Variants in HECW1 observed in about 807,000 individuals in gnomAD.
The protein encoded by HECW1 is HECT, C2 and WW domain containing E3 ubiquitin protein ligase 1, also known as E3 ubiquitin-protein ligase HECW1.
In HECW1, 61 loss-of-function variants were observed where a neutral mutation model predicts 182.3. The observed-to-expected ratio is 0.33, with a 90% CI of 0.27 to 0.41. The LOEUF is 0.41. Ranked by LOEUF, HECW1 falls within the 10% of genes least tolerant of loss-of-function variation. The pLI, the probability that HECW1 is intolerant of heterozygous loss-of-function variation, is 1.00. For missense variants in HECW1, 1,739 were observed against 2,108.9 expected (o/e 0.82, Z 3.44); for synonymous variants, 859 against 832.6 (o/e 1.03, Z -0.55).
At chr7:43,545,377 G>A (rs1242735527) in intron 26 of HECW1, among the ~76,000 whole-genome samples, 1 of 152,220 alleles carries the variant, frequency 6.6e-6, no homozygotes, top group African/African-American at 2.4e-5. Flanking sequence ...CAATCCTCTA[G>A]TGTAAAGTGT....
At chr7:43,215,377 AG>A (rs1796354157) in intron 2 of HECW1, among the ~76,000 whole-genome samples, 2 of 152,262 alleles carry the variant, frequency 1.3e-5, no homozygotes, top group Admixed American at 6.5e-5. Flanking sequence ...TGACCCAGCC[AG>A]TGCTGGCTAG....
chr7:43,212,633 T>A (rs951939573), intron 2 of HECW1, among the ~76,000 whole-genome samples: 10 of 152,200 alleles, frequency 6.6e-5, no homozygotes, highest in African/African-American at 2.4e-4. Flanking sequence ...TATAGCAAAT[T>A]AAGTAATGAG....
rs927539220 is a variant in HECW1 at position 43,373,605 on chromosome 7, TG to T, written c.555+12626del. On this transcript the variant is annotated intron_variant, in intron 6 of 29. Coordinates refer to ENST00000395891, the MANE Select transcript of HECW1 (RefSeq NM_015052.5). ...GGCTGGTATAGTAGATTTACATGTT[TG>T]TTTTTTTTTAATTTTTAATTGTGGT... Among the ~76,000 whole-genome samples, 8 of 152,332 alleles carry T rather than the reference TG, an allele frequency of 5.3e-5. No homozygotes were observed. In the East Asian group the frequency reaches 5.8e-4, roughly 11 times the overall value.
chr7:43,145,719 C>G (rs1788637833), intron 2 of HECW1, among the ~76,000 whole-genome samples: 1 of 152,208 alleles, frequency 6.6e-6, no homozygotes, highest in African/African-American at 2.4e-5. Context: ...TTCAAACTCT[C>G]TGTTGCCCAA....
intron 3 of HECW1, among the ~76,000 whole-genome samples, chr7:43,310,232 C>A (rs1411307729): frequency 6.6e-6 from 1 of 152,154 alleles, no homozygotes; most frequent in African/African-American, 2.4e-5. Flanking sequence ...GGAGGGCTGT[C>A]AGTTTACTGA....
At chr7:43,455,418 A>C (rs1334349094) in intron 12 of HECW1, among the ~76,000 whole-genome samples, 1 of 152,216 alleles carries the variant, frequency 6.6e-6, no homozygotes, top group African/African-American at 2.4e-5. Flanking sequence ...GGTCATCTAA[A>C]TTCGCACATC....
At chr7:43,317,809 T>TTTTGTGTGTG (rs756876398) in intron 4 of HECW1, among the ~76,000 whole-genome samples, 1 of 142,510 alleles carries the variant, frequency 7.0e-6, no homozygotes, top group Non-Finnish European at 1.5e-5. Context: ...TTTCTCATTA[T>TTTTGTGTGTG]TGTGTGTGTG....
At chr7:43,147,441 A>G (rs1455044331) in intron 2 of HECW1, 7 of 152,172 alleles carry the variant, frequency 4.6e-5, no homozygotes. Context: ...TTCTTTTGTT[A>G]TTGCAGAACA....
intron 5 of HECW1, among the ~76,000 whole-genome samples, chr7:43,324,631 T>TGC: frequency 6.6e-6 from 1 of 152,266 alleles, no homozygotes; most frequent in South Asian, 2.1e-4. Flanking sequence ...TATTATGAAC[T>TGC]AAAAATAAGA....
At chr7:43,142,847 G>A (rs991209192) in intron 2 of HECW1, among the ~76,000 whole-genome samples, 1 of 152,134 alleles carries the variant, frequency 6.6e-6, no homozygotes, top group Non-Finnish European at 1.5e-5. Flanking sequence ...ATGGAGCACA[G>A]GGTGTAAAAT....
intron 2 of HECW1, among the ~76,000 whole-genome samples, chr7:43,115,332 C>T (rs1253636748): frequency 1.7e-5 from 2 of 117,290 alleles, no homozygotes; most frequent in South Asian, 5.4e-4. Flanking sequence ...TATAGCAAAA[C>T]ATTTGGTGGA....
At chr7:43,453,479 G>A (rs6975459) in intron 12 of HECW1, among the ~76,000 whole-genome samples, 1 of 152,164 alleles carries the variant, frequency 6.6e-6, no homozygotes, top group Non-Finnish European at 1.5e-5. Context: ...CCAACACTTG[G>A]TTTCGATCAT....
At chr7:43,551,428 A>G (rs2081821834) in intron 27 of HECW1, among the ~76,000 whole-genome samples, 1 of 146,822 alleles carries the variant, frequency 6.8e-6, no homozygotes, top group Non-Finnish European at 1.6e-5. Flanking sequence ...AGGGATGGAA[A>G]ATACAGTCGT....
chr7:43,367,292 A>G (rs547953817), intron 6 of HECW1, among the ~76,000 whole-genome samples: 40 of 152,318 alleles, frequency 2.6e-4, no homozygotes, highest in South Asian at 6.2e-4. Context: ...TTATTTTTGC[A>G]GCATATCACC....
At chr7:43,436,538 G>A (rs572086562) in intron 8 of HECW1, among the ~76,000 whole-genome samples, 43 of 152,298 alleles carry the variant, frequency 2.8e-4, no homozygotes, top group African/African-American at 1.0e-3. Flanking sequence ...AGTCAAAGGA[G>A]GTTGTTCTCT....
intron 2 of HECW1, among the ~76,000 whole-genome samples, chr7:43,212,145 G>A: frequency 6.6e-6 from 1 of 152,190 alleles, no homozygotes; most frequent in South Asian, 2.1e-4. Flanking sequence ...TTTTGCTATT[G>A]ATTCTTGTAA....
At chr7:43,317,187 G>T (rs542836228) in intron 4 of HECW1, among the ~76,000 whole-genome samples, 1 of 152,276 alleles carries the variant, frequency 6.6e-6, no homozygotes, top group Admixed American at 6.5e-5. Flanking sequence ...CTTTTCTGCA[G>T]CAGCATCCTG....
At position 43,221,537 on chromosome 7, in the gene HECW1, G is replaced by GTTTTTTTTT. The variant is rs71008897; in HGVS notation, c.-31-22304_-31-22296dup. ...CTAAACTAAATGTCAGAGGAATTAG[G>GTTTTTTTTT]TTTTTTTTTTTTTTTTTTTTTTTTT... On this transcript the variant is annotated intron_variant, in intron 2 of 29. Transcript: ENST00000395891. Among the ~76,000 whole-genome samples the GTTTTTTTTT allele has an allele frequency of 1.2e-3, 60 of 50,532 alleles. 15 individuals carry two copies. Among genetic ancestry groups the GTTTTTTTTT allele is most frequent in the Non-Finnish European group, 1.7e-3 (49 of 29,154 alleles). 33.2% of individuals were successfully genotyped at this position (50,532 alleles called of 152,430 possible). A position where few individuals can be genotyped will look rare whatever the true frequency, so the allele number is the denominator to read the frequency against.
intron 29 of HECW1, among the ~76,000 whole-genome samples, chr7:43,557,917 C>T (rs2082084442): frequency 6.6e-6 from 1 of 152,110 alleles, no homozygotes; most frequent in Admixed American, 6.5e-5. Flanking sequence ...CCAGCCAAAA[C>T]CTATGGTTTT....
Sources: allele counts gnomAD v4.1 joint callset (sites outside exome capture counted in the v4.1 genomes callset), GRCh38; gene constraint gnomAD v4.1.1; transcripts MANE v1.5; gene names NCBI Gene and HGNC (gene_info 2026-07-23, HGNC 2026-07-21).